Variants in CUX1 observed in about 807,000 individuals in gnomAD.
The protein encoded by CUX1 is protein CASP.
A neutral mutation model predicts 158.8 loss-of-function variants in CUX1; 31 were observed. That is an observed-to-expected ratio of 0.20 (90% CI 0.15 to 0.26). CUX1 has a LOEUF of 0.26. CUX1 is among the 10% of genes least tolerant of loss of function. The pLI is 1.00. For synonymous variants in CUX1, 879 were observed against 862.1 expected (o/e 1.02, Z -0.34); for missense variants, 1,589 against 2,014.6 (o/e 0.79, Z 4.04).
At chr7:101,989,759 G>A (rs900117865) in intron 2 of CUX1, among the ~76,000 whole-genome samples, 112 of 152,116 alleles carry the variant, frequency 7.4e-4, no homozygotes, top group African/African-American at 2.3e-3. Context: ...TCCTACCCCC[G>A]TCCTTCCCAC....
intron 3 of CUX1, among the ~76,000 whole-genome samples, chr7:102,065,541 A>G (rs1008783540): frequency 1.3e-5 from 2 of 152,188 alleles, no homozygotes; most frequent in Non-Finnish European, 2.9e-5. Flanking sequence ...TATCATTTAG[A>G]AAAGGATCTT....
In CUX1 at chr7:102,252,531, A is replaced by G; in HGVS notation, c.*3489A>G. 6.1e-6 allele frequency: 6 copies of G among 985,478 alleles called. No homozygotes were observed. Among genetic ancestry groups the G allele is most frequent in the Non-Finnish European group, 7.2e-6 (6 of 829,942 alleles). The allele number at this position is 985,478 out of a possible 1,614,324, so 61.0% of individuals were successfully genotyped here. ...TGGCTTCTTTTTGTTAATTGGAGGCATTGTTCATAACTTAAGGCTTTTGCC... is the reference window on the plus strand; with the variant it reads ...TGGCTTCTTTTTGTTAATTGGAGGCGTTGTTCATAACTTAAGGCTTTTGCC... On this transcript the variant is annotated 3_prime_UTR_variant, in exon 24 of 24. Coordinates refer to ENST00000292535, the MANE Select transcript of CUX1 (RefSeq NM_181552.4).
At chr7:102,017,223 G>A (rs1027858636) in intron 2 of CUX1, among the ~76,000 whole-genome samples, 1 of 151,010 alleles carries the variant, frequency 6.6e-6, no homozygotes, top group Non-Finnish European at 1.5e-5. Context: ...CCTGGGAGGC[G>A]GAGGTTGCAG....
In CUX1 at chr7:101,976,900, A is replaced by ATTTTTTTTTTTTTTTTTT. The variant is rs10643207; in HGVS notation, c.142-51187_142-51170dup. On this transcript the variant is annotated intron_variant, in intron 2 of 23. Coordinates refer to ENST00000292535, the MANE Select transcript of CUX1 (RefSeq NM_181552.4). ...ATTTGAATAGTCTTTTCCCTTTCTG[A>ATTTTTTTTTTTTTTTTTT]TTTTTTTTTTTTTTTTTTTTTTTTT... 3.8e-4 allele frequency among the ~76,000 whole-genome samples: 15 copies of ATTTTTTTTTTTTTTTTTT among 39,458 alleles called. 2 individuals are homozygous for ATTTTTTTTTTTTTTTTTT. The highest frequency in any genetic ancestry group is 1.6e-3 in the South Asian group (1 of 624). The allele number at this position is 39,458 out of a possible 152,430, so 25.9% of individuals were successfully genotyped here.
chr7:102,031,604 TTTTTTGGCACC>T (rs1316077625), intron 3 of CUX1, among the ~76,000 whole-genome samples: 2 of 152,158 alleles, frequency 1.3e-5, no homozygotes, highest in Non-Finnish European at 2.9e-5. Flanking sequence ...AGAAAGGTAA[TTTTTTGGCACC>T]ATTAATTAAT....
chr7:101,989,583 A>G (rs915861643), intron 2 of CUX1, among the ~76,000 whole-genome samples: 1 of 152,324 alleles, frequency 6.6e-6, no homozygotes, highest in Non-Finnish European at 1.5e-5. Flanking sequence ...AAGAGCTCGA[A>G]GACACCATGG....
chr7:102,122,110 A>G (rs1832111834), intron 8 of CUX1, among the ~76,000 whole-genome samples: 1 of 152,188 alleles, frequency 6.6e-6, no homozygotes, highest in South Asian at 2.1e-4. Context: ...CAAATATTGC[A>G]TCCCCTGATT....
At chr7:101,867,380 C>G (rs956004441) in intron 1 of CUX1, among the ~76,000 whole-genome samples, 4 of 152,214 alleles carry the variant, frequency 2.6e-5, no homozygotes, top group Admixed American at 2.6e-4. Context: ...GGTGCTCACT[C>G]TGTGCACTCT....
chr7:101,952,479 C>G (rs1374243217), intron 2 of CUX1, among the ~76,000 whole-genome samples: 1 of 152,230 alleles, frequency 6.6e-6, no homozygotes, highest in East Asian at 1.9e-4. Context: ...CCTTCACCAG[C>G]TCTCCTGGTT....
At chr7:101,996,966 C>T (rs767844252) in intron 2 of CUX1, among the ~76,000 whole-genome samples, 6 of 152,054 alleles carry the variant, frequency 3.9e-5, no homozygotes, top group East Asian at 1.9e-4. Context: ...TTCTGGGAAT[C>T]GCTCCCCTGC....
intron 9 of CUX1, among the ~76,000 whole-genome samples, chr7:102,167,736 T>C (rs1419228404): frequency 1.3e-5 from 2 of 152,178 alleles, no homozygotes; most frequent in Admixed American, 1.3e-4. Context: ...CATCTGGAAA[T>C]AAACTGGGAA....
At chr7:101,905,497 A>C (rs1279820728) in intron 1 of CUX1, among the ~76,000 whole-genome samples, 2 of 152,228 alleles carry the variant, frequency 1.3e-5, no homozygotes, top group African/African-American at 4.8e-5. Context: ...ATCCGTGTTC[A>C]CGCTGGTCCC....
intron 20 of CUX1, among the ~76,000 whole-genome samples, chr7:102,208,263 T>C (rs1161932096): frequency 1.3e-5 from 2 of 151,828 alleles, no homozygotes; most frequent in African/African-American, 4.8e-5. Flanking sequence ...TGTGTCTGTG[T>C]GATGGAGTCT....
chr7:102,157,317 T>C (rs1035252043), intron 8 of CUX1, among the ~76,000 whole-genome samples: 4 of 150,288 alleles, frequency 2.7e-5, no homozygotes, highest in African/African-American at 1.0e-4. Flanking sequence ...CCATGGCCCT[T>C]GGGTATGCTA....
At chr7:101,888,841 C>T (rs1231014121) in intron 1 of CUX1, among the ~76,000 whole-genome samples, 4 of 152,064 alleles carry the variant, frequency 2.6e-5, no homozygotes, top group Admixed American at 6.5e-5. Flanking sequence ...CCACCTGCCT[C>T]GGCCTCCCAA....
At chr7:102,282,209 G>C (rs918568358) in intron 21 of CUX1, among the ~76,000 whole-genome samples, 8 of 152,230 alleles carry the variant, frequency 5.3e-5, no homozygotes, top group African/African-American at 1.7e-4. Flanking sequence ...AGAAGGGATG[G>C]AGTGGGAAGG....
chr7:102,013,827 C>T (rs1235776452), intron 2 of CUX1, among the ~76,000 whole-genome samples: 1 of 152,144 alleles, frequency 6.6e-6, no homozygotes, highest in African/African-American at 2.4e-5. Flanking sequence ...ACCTCAGCCT[C>T]CCGAGTAGCT....
At chr7:101,848,625 C>T (rs925433710) in intron 1 of CUX1, among the ~76,000 whole-genome samples, 2 of 152,090 alleles carry the variant, frequency 1.3e-5, no homozygotes, top group Non-Finnish European at 2.9e-5. Context: ...AATTTGCCCA[C>T]TTTTGTGCAG....
intron 8 of CUX1, among the ~76,000 whole-genome samples, chr7:102,123,046 CA>C (rs1213750759): frequency 1.3e-5 from 2 of 152,092 alleles, no homozygotes; most frequent in Non-Finnish European, 2.9e-5. Context: ...GACCAGCCAA[CA>C]TGGTGAAACC....
Sources: allele counts gnomAD v4.1 joint callset (sites outside exome capture counted in the v4.1 genomes callset), GRCh38; gene constraint gnomAD v4.1.1; transcripts MANE v1.5; gene names NCBI Gene and HGNC (gene_info 2026-07-23, HGNC 2026-07-21).